The following RELCH variants were observed in gnomAD, a reference collection of about 807,000 sequenced individuals.
The protein encoded by RELCH is RAB11-binding protein RELCH.
RELCH carries 41 observed loss-of-function variants against 150.3 expected under a neutral mutation model. The ratio of observed to expected loss-of-function variants is 0.27; its 90% CI spans 0.21 to 0.35. The LOEUF is 0.35. RELCH is among the 10% of genes least tolerant of loss of function. The probability of loss-of-function intolerance (pLI) is 1.00; values close to 1 mark genes in which losing one functional copy is unlikely to be tolerated. For missense variants in RELCH, 1,092 were observed against 1,467.8 expected (o/e 0.74, Z 4.18); for synonymous variants, 478 against 531.8 (o/e 0.90, Z 1.39).
In RELCH at chr18:62,307,039, A is replaced by G. The variant is rs2045900580; in HGVS notation, c.*1505A>G. The G allele has an allele frequency of 6.6e-6, 1 of 152,526 alleles. No individual in the cohort carries two copies. Among genetic ancestry groups the G allele is most frequent in the South Asian group, 2.1e-4 (1 of 4,830 alleles). 9.4% of individuals were successfully genotyped at this position (152,526 alleles called of 1,614,324 possible). Reference sequence around the variant, plus strand: ...TTCTGAAAACTGTTGGGTTCTAGGCATTCCTGAGAAATTGAAAGTGGCTAC... The same window carrying G: ...TTCTGAAAACTGTTGGGTTCTAGGCGTTCCTGAGAAATTGAAAGTGGCTAC... On this transcript the variant is annotated 3_prime_UTR_variant, in exon 29 of 29. Transcript: ENST00000644646.
At chr18:62,207,866 A>G (rs77920219) in intron 1 of RELCH, among the ~76,000 whole-genome samples, 5,670 of 152,286 alleles carry the variant, frequency 0.037, 162 homozygotes, top group Middle Eastern at 0.075. Context: ...TTGTGTTTCT[A>G]TGGATTTGCC....
In RELCH at chr18:62,237,742, A is replaced by C. The variant is rs2041950206; in HGVS notation, c.1620+5315A>C. Among the ~76,000 whole-genome samples the C allele has an allele frequency of 4.0e-5, 6 of 151,784 alleles. No individual in the cohort carries two copies. The South Asian group carries it at 1.2e-3, about 31-fold the overall frequency. ...AATATTTTGGAAAAATAAAGAAAAA[A>C]ATCCTTAAGTAAGCAATTAAAAAAG... On this transcript the variant is annotated intron_variant, in intron 10 of 28. Coordinates refer to ENST00000644646, the MANE Select transcript of RELCH (RefSeq NM_001346231.2).
In RELCH at chr18:62,305,690, C is replaced by A; in HGVS notation, c.*156C>A. On this transcript the variant is annotated 3_prime_UTR_variant, in exon 29 of 29. Transcript: ENST00000644646. The surrounding 1 kb of genome is among the most constrained non-coding windows in gnomAD (Gnocchi z 4.0). ...AAGATATTTGCACTGCTTTTAATTA[C>A]TGCTGTATATTTGTTGATTTTGGAG... 1.4e-6 allele frequency: 1 copy of A among 690,700 alleles called. No individual in the cohort carries two copies. 42.8% of individuals were successfully genotyped at this position (690,700 alleles called of 1,614,324 possible). A position where few individuals can be genotyped will look rare whatever the true frequency, so the allele number is the denominator to read the frequency against.
chr18:62,237,226 G>A (rs908562058), intron 10 of RELCH, among the ~76,000 whole-genome samples: 1 of 151,736 alleles, frequency 6.6e-6, no homozygotes, highest in Admixed American at 6.6e-5. Flanking sequence ...CCTGGAGAAC[G>A]TTCTGTGTGC....
intron 13 of RELCH, among the ~76,000 whole-genome samples, 200 bp from the exon 14 acceptor site, chr18:62,257,748 G>C (rs1238094154): frequency 6.6e-6 from 1 of 151,708 alleles, no homozygotes; most frequent in African/African-American, 2.4e-5. Context: ...TGATATTTTT[G>C]CTGTATCTGT....
intron 27 of RELCH, among the ~76,000 whole-genome samples, chr18:62,296,930 T>C (rs1188561154): frequency 1.3e-5 from 2 of 152,250 alleles, no homozygotes; most frequent in African/African-American, 4.8e-5. Flanking sequence ...AGTATTTTGT[T>C]GAGGATCCTT....
At chr18:62,270,441 G>A (rs560295271) in intron 20 of RELCH, among the ~76,000 whole-genome samples, 1 of 152,244 alleles carries the variant, frequency 6.6e-6, no homozygotes, top group South Asian at 2.1e-4. Context: ...AAGCATAGTA[G>A]TAATTTTTAA....
At position 62,307,701 on chromosome 18, in the gene RELCH, A is replaced by G. The variant is rs2145199045; in HGVS notation, c.*2167A>G. 6.6e-6 allele frequency: 1 copy of G among 152,374 alleles called. No homozygotes were observed. The highest frequency in any genetic ancestry group is 2.1e-4 in the South Asian group (1 of 4,832). The allele number at this position is 152,374 out of a possible 1,614,324, so 9.4% of individuals were successfully genotyped here. ...ATACTCATTCCTTTTAAACAGAAGT[A>G]AACTTACGGTACAAGTTTTTAAGTG... On this transcript the variant is annotated 3_prime_UTR_variant, in exon 29 of 29. Transcript: ENST00000644646.
At chr18:62,221,158 A>C in intron 3 of RELCH, 50 bp downstream of exon 3, 3 of 1,593,426 alleles carry the variant, frequency 1.9e-6, no homozygotes, top group Non-Finnish European at 2.6e-6. Flanking sequence ...ACAATGTAGA[A>C]GTAGCTGAGA....
chr18:62,283,100 G>A (rs757203455), intron 25 of RELCH, among the ~76,000 whole-genome samples: 7 of 152,174 alleles, frequency 4.6e-5, no homozygotes, highest in Admixed American at 1.3e-4. Context: ...GCTAAATACT[G>A]TGCTGCCTTA....
At chr18:62,222,984 C>T (rs2040979851) in intron 5 of RELCH, among the ~76,000 whole-genome samples, 1 of 151,668 alleles carries the variant, frequency 6.6e-6, no homozygotes, top group Admixed American at 6.6e-5. Flanking sequence ...ACTAAAATAG[C>T]ACTTAGAGGG....
intron 13 of RELCH, among the ~76,000 whole-genome samples, chr18:62,256,929 A>G (rs969949596): frequency 3.0e-4 from 46 of 152,106 alleles, no homozygotes; most frequent in Non-Finnish European, 8.8e-5. Context: ...AAGATGTTAT[A>G]TATTCACCAA....
At chr18:62,283,303 T>G (rs2044618782) in intron 25 of RELCH, among the ~76,000 whole-genome samples, 1 of 152,216 alleles carries the variant, frequency 6.6e-6, no homozygotes, top group Admixed American at 6.5e-5. Flanking sequence ...GAGTCTCTTT[T>G]ACTGTGGGCC....
Position 62,274,085 on chromosome 18 carries a change from G to A in RELCH, c.2866G>A (p.Gly956Ser). The A allele has an allele frequency of 6.3e-7, 1 of 1,596,930 alleles. No individual in the cohort carries two copies. Among genetic ancestry groups the A allele is most frequent in the Non-Finnish European group, 8.6e-7 (1 of 1,165,112 alleles). The change falls in exon 21 of 29, where the codon GGT becomes AGT. Residue 956 changes from glycine (G) to serine (S), a missense_variant and splice_region_variant. By Grantham distance (56) the Gly-to-Ser change is moderately conservative (BLOSUM62 0). Transcript: ENST00000644646. Reference sequence around the variant, plus strand: ...CCTGAAGGCTTCTTTTGTGGAATTGGGGTAAGAAATAACAGCTTATAGTTT... The same window carrying A: ...CCTGAAGGCTTCTTTTGTGGAATTGAGGTAAGAAATAACAGCTTATAGTTT... ...DSLKASFVEL[G>S]ANPAYHELLL...
intron 1 of RELCH, among the ~76,000 whole-genome samples, chr18:62,206,788 C>T (rs1199871453): frequency 1.3e-5 from 2 of 149,234 alleles, no homozygotes; most frequent in Middle Eastern, 3.4e-3. Flanking sequence ...TGCCTGCTCC[C>T]GCCCCACCCA....
At position 62,187,901 on chromosome 18, in the gene RELCH, C is replaced by T. The variant is rs2038244131; in HGVS notation, c.396C>T (p.Ser132=). 2 of 1,595,664 alleles carry T rather than the reference C, an allele frequency of 1.3e-6. No individual in the cohort carries two copies. Among genetic ancestry groups the T allele is most frequent in the Non-Finnish European group, 1.7e-6 (2 of 1,172,018 alleles). The stretch of plus-strand genomic sequence containing the variant: ...TGCCTCGGCTGCGCGACTACTTCTC[C>T]AATCCAGGCAACTTCGAGAGGCAAA... ...RELPRLRDYF[S]NPGNFERQSG... is the part of the protein sequence containing the mutation. The change falls in exon 1 of 29, where the codon TCC becomes TCT. Residue 132 remains serine, a synonymous_variant. Coordinates refer to ENST00000644646, the MANE Select transcript of RELCH (RefSeq NM_001346231.2).
chr18:62,263,052 T>C (rs1017145218), intron 16 of RELCH, among the ~76,000 whole-genome samples: 1 of 152,016 alleles, frequency 6.6e-6, no homozygotes, highest in Non-Finnish European at 1.5e-5. Flanking sequence ...TGTGTCCAGA[T>C]TTTCCCTTCT....
intron 22 of RELCH, among the ~76,000 whole-genome samples, chr18:62,279,427 A>G (rs1290414862): frequency 6.6e-6 from 1 of 152,148 alleles, no homozygotes; most frequent in Admixed American, 6.6e-5. Context: ...GAGAATTTTA[A>G]CCATAGAGCA....
intron 2 of RELCH, among the ~76,000 whole-genome samples, chr18:62,219,317 C>CTTTTTTTTTTTTTTTTTT (rs1224380183): frequency 1.1e-5 from 1 of 90,140 alleles, no homozygotes; most frequent in Non-Finnish European, 2.2e-5. Flanking sequence ...GTTTTTTTTT[C>CTTTTTTTTTTTTTTTTTT]TTTTTTTCTT....
Sources: allele counts gnomAD v4.1 joint callset (sites outside exome capture counted in the v4.1 genomes callset), GRCh38; gene constraint gnomAD v4.1.1; non-coding constraint Gnocchi (gnomAD v3.1); transcripts MANE v1.5; gene names NCBI Gene and HGNC (gene_info 2026-07-23, HGNC 2026-07-21).